Variants in ATP8A2 observed in about 807,000 individuals in gnomAD.
ATP8A2 encodes phospholipid-transporting ATPase IB.
ATP8A2 carries 100 observed loss-of-function variants against 165.6 expected under a neutral mutation model. The ratio of observed to expected loss-of-function variants is 0.60; its 90% confidence interval spans 0.51 to 0.71. The LOEUF is 0.71. Ranked by LOEUF, ATP8A2 falls within the 30% of genes least tolerant of loss-of-function variation. ATP8A2 has a pLI of 0.00. For missense variants in ATP8A2, 1,227 were observed against 1,479.5 expected (o/e 0.83, Z 2.80); for synonymous variants, 543 against 548.8 (o/e 0.99, Z 0.15).
At chr13:25,847,344 G>A (rs529016567) in intron 30 of ATP8A2, among the ~76,000 whole-genome samples, 43 of 152,264 alleles carry the variant, frequency 2.8e-4, no homozygotes, top group African/African-American at 9.6e-4. Context: ...GTTTTAAACC[G>A]CAGTTATGAA....
At chr13:25,535,618 A>T (rs61948618) in intron 6 of ATP8A2, among the ~76,000 whole-genome samples, 5,832 of 152,232 alleles carry the variant, frequency 0.038, 141 homozygotes, top group Non-Finnish European at 0.05. Context: ...GCTCAAGATC[A>T]GCCTGGGCAA....
intron 1 of ATP8A2, among the ~76,000 whole-genome samples, chr13:25,455,924 C>T (rs1209488224): frequency 6.6e-6 from 1 of 152,196 alleles, no homozygotes; most frequent in Non-Finnish European, 1.5e-5. Context: ...CCATTCTCTA[C>T]TCCTTGCCCT....
intron 35 of ATP8A2, among the ~76,000 whole-genome samples, chr13:25,993,481 A>G (rs190559364): frequency 6.6e-6 from 1 of 152,312 alleles, no homozygotes. Flanking sequence ...CAAAAGTTGT[A>G]TAGTTTTATA....
intron 25 of ATP8A2, among the ~76,000 whole-genome samples, chr13:25,726,101 A>C (rs2043487418): frequency 6.6e-6 from 1 of 152,200 alleles, no homozygotes; most frequent in Non-Finnish European, 1.5e-5. Context: ...CGAATGCATC[A>C]GTGGTGTTTA....
At chr13:25,964,828 A>G (rs1012395998) in intron 34 of ATP8A2, among the ~76,000 whole-genome samples, 2 of 151,984 alleles carry the variant, frequency 1.3e-5, no homozygotes, top group Non-Finnish European at 2.9e-5. Flanking sequence ...AGGATGTTTT[A>G]TTTTGTTCTG....
At position 26,020,117 on chromosome 13, in the gene ATP8A2, A is replaced by G; in HGVS notation, c.*132A>G. 1 of 691,180 alleles carries G rather than the reference A, an allele frequency of 1.4e-6. No homozygotes were observed. Among genetic ancestry groups the G allele is most frequent in the Non-Finnish European group, 2.5e-6 (1 of 402,610 alleles). The allele number at this position is 691,180 out of a possible 1,614,324, so 42.8% of individuals were successfully genotyped here. A position where few individuals can be genotyped will look rare whatever the true frequency, so the allele number is the denominator to read the frequency against. On this transcript the variant is annotated 3_prime_UTR_variant, in exon 37 of 37. Coordinates refer to ENST00000381655, the MANE Select transcript of ATP8A2 (RefSeq NM_016529.6). ...AAACACATTTCTGTGGCCTTAGCCA[A>G]GCAGTTTGTTAGTTACATATTCCCT...
chr13:25,572,872 G>A (rs778111837), intron 18 of ATP8A2, among the ~76,000 whole-genome samples: 1 of 152,132 alleles, frequency 6.6e-6, no homozygotes, highest in African/African-American at 2.4e-5. Flanking sequence ...TTCCTGACTT[G>A]GGAGTACTGT....
chr13:25,864,461 C>T lies in ATP8A2; in HGVS notation c.3183+2053C>T, dbSNP rs149783398. Among the ~76,000 whole-genome samples, 685 of 152,024 alleles carry T rather than the reference C, an allele frequency of 4.5e-3. 3 individuals are homozygous for T. Among genetic ancestry groups the T allele is most frequent in the Non-Finnish European group, 7.4e-3 (501 of 67,986 alleles). ...GCTGATCATGCAGCTACTAAGGTGCCGACATTTTCACTGTACCAGTCACAT... is the reference window on the plus strand; with the variant it reads ...GCTGATCATGCAGCTACTAAGGTGCTGACATTTTCACTGTACCAGTCACAT... On this transcript the variant is annotated intron_variant, in intron 33 of 36. Coordinates refer to ENST00000381655, the MANE Select transcript of ATP8A2 (RefSeq NM_016529.6).
At chr13:25,600,705 C>T (rs1304881774) in intron 24 of ATP8A2, among the ~76,000 whole-genome samples, 2 of 152,170 alleles carry the variant, frequency 1.3e-5, no homozygotes, top group Non-Finnish European at 2.9e-5. Context: ...TGCTCTCTCT[C>T]CTCTCTGTCT....
chr13:25,417,821 T>C (rs976338563), intron 1 of ATP8A2, among the ~76,000 whole-genome samples: 2 of 152,250 alleles, frequency 1.3e-5, no homozygotes, highest in African/African-American at 2.4e-5. Context: ...ATTTAACTTA[T>C]GCATAGCAAA....
intron 23 of ATP8A2, among the ~76,000 whole-genome samples, chr13:25,585,695 T>A (rs2039903011): frequency 6.6e-6 from 1 of 152,206 alleles, no homozygotes; most frequent in African/African-American, 2.4e-5. Context: ...ACTCAATATG[T>A]CACTTGCCCC....
intron 1 of ATP8A2, among the ~76,000 whole-genome samples, chr13:25,467,884 G>T (rs2035715064): frequency 6.6e-6 from 1 of 152,158 alleles, no homozygotes; most frequent in Non-Finnish European, 1.5e-5. Context: ...TGCAACGTCC[G>T]TTTCTTTGAT....
At chr13:25,977,669 G>C (rs17082919) in intron 35 of ATP8A2, among the ~76,000 whole-genome samples, 1 of 152,144 alleles carries the variant, frequency 6.6e-6, no homozygotes, top group Admixed American at 6.5e-5. Flanking sequence ...CTTATGGACC[G>C]ATGTTTAATA....
intron 35 of ATP8A2, among the ~76,000 whole-genome samples, chr13:26,003,140 A>G (rs917359842): frequency 1.3e-5 from 2 of 150,664 alleles, no homozygotes; most frequent in Non-Finnish European, 2.9e-5. Context: ...TTGTATTCCC[A>G]TCAACAGTGT....
chr13:25,491,220 G>A (rs1314654805), intron 2 of ATP8A2, among the ~76,000 whole-genome samples: 1 of 151,850 alleles, frequency 6.6e-6, no homozygotes, highest in East Asian at 1.9e-4. Flanking sequence ...AATTCATTAG[G>A]AGCATTCCCA....
chr13:25,591,501 G>A (rs1486275280), intron 24 of ATP8A2: 1 of 385,956 alleles, frequency 2.6e-6, no homozygotes, highest in Non-Finnish European at 5.2e-6. Flanking sequence ...TCCTTTTTAA[G>A]GCTGATTAAT....
At chr13:25,990,884 G>A (rs1871345478) in intron 35 of ATP8A2, among the ~76,000 whole-genome samples, 2 of 152,162 alleles carry the variant, frequency 1.3e-5, no homozygotes, top group Non-Finnish European at 1.5e-5. Context: ...GGTCTCTCCA[G>A]GTCAGCCAGG....
intron 24 of ATP8A2, among the ~76,000 whole-genome samples, chr13:25,590,446 T>C (rs2040040342): frequency 6.6e-6 from 1 of 152,142 alleles, no homozygotes; most frequent in African/African-American, 2.4e-5. Flanking sequence ...AATACATTCG[T>C]ATAGTAATAG....
intron 24 of ATP8A2, among the ~76,000 whole-genome samples, chr13:25,684,415 G>A (rs768254225): frequency 1.3e-5 from 2 of 150,538 alleles, no homozygotes; most frequent in Middle Eastern, 3.2e-3. Flanking sequence ...ACAAGCTGAA[G>A]GCTGAGCCTG....
Sources: gnomAD v4.1 joint callset for allele counts (sites outside exome capture counted in the v4.1 genomes callset) on GRCh38, gnomAD v4.1.1 for gene constraint, MANE v1.5 for transcripts, NCBI Gene and HGNC (gene_info 2026-07-23, HGNC 2026-07-21) for gene names.